STK32B: variants seen among roughly 807,000 people sequenced by gnomAD.
The protein encoded by STK32B is serine/threonine kinase 32B.
In STK32B, 43 loss-of-function variants were observed where a neutral mutation model predicts 52.6. The ratio of observed to expected loss-of-function variants is 0.82; its 90% CI spans 0.64 to 1.05. STK32B has a LOEUF of 1.05. Ranked by LOEUF, STK32B falls within the 50% of genes least tolerant of loss-of-function variation. The pLI, the probability that STK32B is intolerant of heterozygous loss-of-function variation, is 0.00. For synonymous variants in STK32B, 238 were observed against 204.3 expected, an observed-to-expected ratio of 1.17 and a Z score of -1.41; for missense variants, 621 against 534.6, an observed-to-expected ratio of 1.16 and a Z score of -1.59.
intron 4 of STK32B, among the ~76,000 whole-genome samples, chr4:5,365,878 C>T (rs868346335): frequency 1.3e-4 from 20 of 152,182 alleles, no homozygotes; most frequent in Admixed American, 2.6e-4. Context: ...AGGCCGAGGG[C>T]GTGGGATTTT....
At chr4:5,457,432 G>A (rs1716650373) in intron 8 of STK32B, among the ~76,000 whole-genome samples, 1 of 150,872 alleles carries the variant, frequency 6.6e-6, no homozygotes, top group African/African-American at 2.4e-5. Flanking sequence ...AGCCAGGATG[G>A]TCTCAATCTC....
intron 6 of STK32B, among the ~76,000 whole-genome samples, chr4:5,432,813 C>T (rs1713708791): frequency 6.6e-6 from 1 of 152,002 alleles, no homozygotes; most frequent in Non-Finnish European, 1.5e-5. Flanking sequence ...ATACTAGATA[C>T]CATTTATTGA....
chr4:5,103,886 G>A (rs1247696051), intron 1 of STK32B, among the ~76,000 whole-genome samples: 1 of 152,118 alleles, frequency 6.6e-6, no homozygotes, highest in Non-Finnish European at 1.5e-5. Context: ...AGCCTCCTGT[G>A]AAATAGTTAG....
At chr4:5,316,093 T>A (rs1005176748) in intron 3 of STK32B, among the ~76,000 whole-genome samples, 8 of 134,962 alleles carry the variant, frequency 5.9e-5, no homozygotes, top group African/African-American at 2.3e-4. Flanking sequence ...ATGTGTCTGT[T>A]ATGCTACTTT....
At chr4:5,150,906 C>T (rs1327384669) in intron 2 of STK32B, among the ~76,000 whole-genome samples, 1 of 152,116 alleles carries the variant, frequency 6.6e-6, no homozygotes, top group African/African-American at 2.4e-5. Context: ...TTGAGGCATT[C>T]CTTTTCAATC....
intron 4 of STK32B, among the ~76,000 whole-genome samples, chr4:5,359,304 C>T (rs1734388018): frequency 6.6e-6 from 1 of 152,070 alleles, no homozygotes; most frequent in African/African-American, 2.4e-5. Flanking sequence ...CTGAGCTATT[C>T]ATTCATCCAC....
chr4:5,448,586 GGATGGAGTGGTCCTTGCT>G (rs1256726274), intron 7 of STK32B, among the ~76,000 whole-genome samples: 6 of 152,206 alleles, frequency 3.9e-5, no homozygotes, highest in South Asian at 2.1e-4. Flanking sequence ...AAAGCCTCAA[GGATGGAGTGGTCCTTGCT>G]GATTCACAAA....
intron 3 of STK32B, among the ~76,000 whole-genome samples, chr4:5,311,081 C>A (rs1730261916): frequency 6.6e-6 from 1 of 152,052 alleles, no homozygotes; most frequent in Admixed American, 6.6e-5. Flanking sequence ...ATAGCCAAAG[C>A]TTTGTTAACA....
At chr4:5,145,862 T>C (rs1426527083) in intron 2 of STK32B, among the ~76,000 whole-genome samples, 1 of 152,216 alleles carries the variant, frequency 6.6e-6, no homozygotes, top group African/African-American at 2.4e-5. Context: ...ATTTGTTGAG[T>C]GCTTTTGCTT....
chr4:5,248,954 G>A (rs1725673607), intron 3 of STK32B, among the ~76,000 whole-genome samples: 2 of 151,952 alleles, frequency 1.3e-5, no homozygotes, highest in Admixed American at 1.3e-4. Flanking sequence ...AGGAGGGATA[G>A]CATTAGGAGA....
At chr4:5,034,338 C>T in the STK32B span, among the ~76,000 whole-genome samples, 4 of 152,202 alleles carry the variant, frequency 2.6e-5, no homozygotes, top group South Asian at 2.1e-4. Context: ...CATACGTGGG[C>T]GTCAAATGTT....
intron 4 of STK32B, among the ~76,000 whole-genome samples, chr4:5,363,273 C>T (rs1734667081): frequency 6.6e-6 from 1 of 152,180 alleles, no homozygotes; most frequent in Non-Finnish European, 1.5e-5. Context: ...GGTCTTGCAT[C>T]ATTTAATTTA....
At chr4:5,067,235 G>C (rs1742458764) in intron 1 of STK32B, among the ~76,000 whole-genome samples, 1 of 152,182 alleles carries the variant, frequency 6.6e-6, no homozygotes, top group Admixed American at 6.5e-5. Context: ...CATGAGAAAA[G>C]TATGGGGGAA....
chr4:5,144,824 C>A (rs1441237183), intron 2 of STK32B, among the ~76,000 whole-genome samples: 1 of 146,968 alleles, frequency 6.8e-6, no homozygotes, highest in African/African-American at 2.7e-5. Flanking sequence ...ATCCATCCAT[C>A]CATCCATCCA....
intron 7 of STK32B, 53 bp from the exon 8 acceptor site, chr4:5,456,754 G>T (rs1047763246): frequency 1.4e-6 from 2 of 1,430,714 alleles, no homozygotes; most frequent in African/African-American, 1.4e-5. Flanking sequence ...AAATGCGGAC[G>T]GTGCCTTCCA....
chr4:5,308,323 G>A (rs1730064523), intron 3 of STK32B, among the ~76,000 whole-genome samples: 1 of 152,188 alleles, frequency 6.6e-6, no homozygotes, highest in African/African-American at 2.4e-5. Context: ...TCTTGGAACA[G>A]AAGTTCACGA....
intron 3 of STK32B, among the ~76,000 whole-genome samples, chr4:5,225,950 A>G (rs1172917784): frequency 6.6e-6 from 1 of 152,126 alleles, no homozygotes; most frequent in Non-Finnish European, 1.5e-5. Flanking sequence ...CCTCTCAAAT[A>G]TGGTCCGTTT....
At chr4:5,019,550 C>A in the STK32B span, 2 of 1,266,998 alleles carry the variant, frequency 1.6e-6, no homozygotes, top group East Asian at 3.2e-5. Context: ...GCGCAGGCTG[C>A]GGTCCATCCA....
At chr4:5,321,794 C>A (rs1032084481) in intron 3 of STK32B, among the ~76,000 whole-genome samples, 1 of 152,116 alleles carries the variant, frequency 6.6e-6, no homozygotes, top group Non-Finnish European at 1.5e-5. Flanking sequence ...CCTCATCACG[C>A]GACTGCTCCT....
Sources: allele counts gnomAD v4.1 joint callset (sites outside exome capture counted in the v4.1 genomes callset), GRCh38; gene constraint gnomAD v4.1.1; transcripts MANE v1.5; gene names NCBI Gene and HGNC (gene_info 2026-07-23, HGNC 2026-07-21).